Variants in TMEM132B observed in about 807,000 individuals in gnomAD.
TMEM132B encodes transmembrane protein 132B.
A neutral mutation model predicts 90.8 loss-of-function variants in TMEM132B; 18 were observed. That is an observed-to-expected ratio of 0.20 (90% CI 0.14 to 0.29). The LOEUF (loss-of-function observed/expected upper bound fraction) is 0.29, where lower values mean the gene tolerates loss of function less well. Among genes scored for constraint, TMEM132B ranks in the 10% least tolerant of loss-of-function variants. The pLI is 1.00. For synonymous variants in TMEM132B, 504 were observed against 523.3 expected (o/e 0.96, Z 0.50); for missense variants, 1,096 against 1,326.8 (o/e 0.83, Z 2.70).
chr12:125,507,836 A>T (rs1263342157), intron 3 of TMEM132B, among the ~76,000 whole-genome samples: 2 of 152,164 alleles, frequency 1.3e-5, no homozygotes, highest in African/African-American at 4.8e-5. Flanking sequence ...AAGTTCTAAC[A>T]CAAGCACTCT....
chr12:125,515,288 TCA>T (rs999076647), intron 3 of TMEM132B, among the ~76,000 whole-genome samples: 6 of 150,998 alleles, frequency 4.0e-5, no homozygotes, highest in Middle Eastern at 3.5e-3. Context: ...ACAAATTCTC[TCA>T]CACACTCATA....
intron 4 of TMEM132B, among the ~76,000 whole-genome samples, chr12:125,523,413 G>A (rs1029914183): frequency 1.3e-5 from 2 of 151,904 alleles, no homozygotes; most frequent in African/African-American, 4.8e-5. Context: ...CACCTTCTCT[G>A]AGTCTCCTGC....
At chr12:125,438,013 C>G (rs186887820) in intron 3 of TMEM132B, among the ~76,000 whole-genome samples, 23 of 152,288 alleles carry the variant, frequency 1.5e-4, no homozygotes, top group Admixed American at 1.4e-3. Flanking sequence ...AGATTTTTCT[C>G]TGCAAAAGTC....
chr12:125,526,959 C>T (rs1423672312), intron 4 of TMEM132B, among the ~76,000 whole-genome samples: 1 of 150,818 alleles, frequency 6.6e-6, no homozygotes, highest in East Asian at 2.0e-4. Context: ...CCCTTCTATC[C>T]ACCCATTTAC....
At chr12:125,206,232 TTTTGTTTG>T (rs892323225) in intron 1 of TMEM132B, among the ~76,000 whole-genome samples, 2 of 151,996 alleles carry the variant, frequency 1.3e-5, no homozygotes, top group African/African-American at 2.4e-5. Flanking sequence ...GCCTATGATT[TTTTGTTTG>T]TTTGTTTGTT....
At chr12:125,594,086 G>A (rs1885382426) in intron 5 of TMEM132B, among the ~76,000 whole-genome samples, 1 of 152,080 alleles carries the variant, frequency 6.6e-6, no homozygotes, top group South Asian at 2.1e-4. Context: ...TTCCCAGATA[G>A]CCACTCATCT....
chr12:125,387,587 G>A (rs896585245), intron 2 of TMEM132B, among the ~76,000 whole-genome samples: 1 of 152,200 alleles, frequency 6.6e-6, no homozygotes, highest in Non-Finnish European at 1.5e-5. Context: ...TATGGGAACA[G>A]CATTGGAAAC....
intron 1 of TMEM132B, among the ~76,000 whole-genome samples, chr12:125,326,980 A>G (rs1272539021): frequency 1.3e-5 from 2 of 151,836 alleles, no homozygotes; most frequent in Non-Finnish European, 2.9e-5. Flanking sequence ...CAACACAGGC[A>G]CCTGCTTTCC....
chr12:125,264,892 A>G (rs1874650835), intron 1 of TMEM132B, among the ~76,000 whole-genome samples: 1 of 152,212 alleles, frequency 6.6e-6, no homozygotes, highest in Non-Finnish European at 1.5e-5. Context: ...TGAAATTTTC[A>G]TTGAACTATA....
intron 1 of TMEM132B, among the ~76,000 whole-genome samples, chr12:125,215,444 TC>T (rs1336149247): frequency 4.6e-5 from 7 of 152,228 alleles, no homozygotes; most frequent in African/African-American, 1.7e-4. Flanking sequence ...TGTGGCCCCT[TC>T]TTCATCTTCA....
rs765125382 is a variant in TMEM132B, at chr12:125,644,318, C to A, written c.1643+37C>A. 6 of 1,606,476 alleles carry A rather than the reference C, an allele frequency of 3.7e-6. No individual in the cohort carries two copies. In the African/African-American group the frequency reaches 8.0e-5, roughly 21 times the overall value. ...AAGAGAAGGCTGTGGATCCGATTGT[C>A]CTGGAGTCCAGATCTTTGTGGGAGG... is the stretch of plus-strand genomic sequence containing the variant. On this transcript the variant is annotated intron_variant, in intron 6 of 8. Transcript: ENST00000682704.
At chr12:125,329,884 G>T (rs1876710876) in intron 1 of TMEM132B, among the ~76,000 whole-genome samples, 1 of 152,180 alleles carries the variant, frequency 6.6e-6, no homozygotes, top group Non-Finnish European at 1.5e-5. Flanking sequence ...AAAACTACCC[G>T]ATCTTCACTG....
intron 1 of TMEM132B, among the ~76,000 whole-genome samples, chr12:125,260,830 C>T (rs1018773210): frequency 5.3e-5 from 8 of 152,134 alleles, no homozygotes; most frequent in Admixed American, 3.3e-4. Context: ...GTTGGAAGAT[C>T]ACTTAAGCCC....
chr12:125,332,203 T>C (rs1876797839), intron 1 of TMEM132B, among the ~76,000 whole-genome samples: 1 of 152,244 alleles, frequency 6.6e-6, no homozygotes, highest in Admixed American at 6.5e-5. Context: ...TTACTTAGTA[T>C]GTTTATACAT....
At chr12:125,208,719 TG>T (rs1377695940) in intron 1 of TMEM132B, among the ~76,000 whole-genome samples, 8 of 152,156 alleles carry the variant, frequency 5.3e-5, no homozygotes, top group Admixed American at 1.3e-4. Context: ...AGGCCTTTGG[TG>T]GGGGTCTGTT....
rs1490943057 is a variant in TMEM132B at position 125,517,351 on chromosome 12, T to G, written c.1107-2088T>G. Among the ~76,000 whole-genome samples, 758 of 103,404 alleles carry G rather than the reference T, an allele frequency of 7.3e-3. 29 individuals carry two copies. Among genetic ancestry groups the G allele is most frequent in the Non-Finnish European group, 0.01 (515 of 49,142 alleles). The allele number at this position is 103,404 out of a possible 152,430, so 67.8% of individuals were successfully genotyped here. A position where few individuals can be genotyped will look rare whatever the true frequency, so the allele number is the denominator to read the frequency against. ...GATTTTTTTTTTTTTTTTTTTTTTT[T>G]TTTTTTTTTTTTTTGCATTTTTAGT... On this transcript the variant is annotated intron_variant, in intron 3 of 8. Coordinates refer to ENST00000682704, the MANE Select transcript of TMEM132B (RefSeq NM_001366854.1).
chr12:125,311,426 G>T (rs1399246056), intron 1 of TMEM132B, among the ~76,000 whole-genome samples: 1 of 152,152 alleles, frequency 6.6e-6, no homozygotes, highest in Non-Finnish European at 1.5e-5. Flanking sequence ...CATCCTTCCA[G>T]TTTGCTCAGG....
At chr12:125,433,357 A>G (rs1397613522) in intron 3 of TMEM132B, among the ~76,000 whole-genome samples, 3 of 151,934 alleles carry the variant, frequency 2.0e-5, no homozygotes, top group Non-Finnish European at 4.4e-5. Context: ...CCCGACTTGA[A>G]CTCCAAATGG....
chr12:125,431,522 C>T (rs188864763), intron 3 of TMEM132B, among the ~76,000 whole-genome samples: 1 of 152,224 alleles, frequency 6.6e-6, no homozygotes, highest in East Asian at 1.9e-4. Flanking sequence ...GAGCGACGTG[C>T]TTAGGACTAG....
Sources: gnomAD v4.1 joint callset for allele counts (sites outside exome capture counted in the v4.1 genomes callset) on GRCh38, gnomAD v4.1.1 for gene constraint, MANE v1.5 for transcripts, NCBI Gene and HGNC (gene_info 2026-07-23, HGNC 2026-07-21) for gene names.